Variants in AKAP12 observed in about 807,000 individuals in gnomAD.
AKAP12 encodes the protein A-kinase anchor protein 12.
In AKAP12, 32 loss-of-function variants were observed where a neutral mutation model predicts 79.9. The ratio of observed to expected loss-of-function variants is 0.40; its 90% confidence interval spans 0.30 to 0.54. The LOEUF is 0.54. Ranked by LOEUF, AKAP12 falls within the 20% of genes least tolerant of loss-of-function variation. The pLI is 0.48. For synonymous variants in AKAP12, 808 were observed against 857.0 expected (o/e 0.94, Z 1.00); for missense variants, 2,074 against 2,177.0 (o/e 0.95, Z 0.94).
At chr6:151,297,863 G>A (rs1776771168) in intron 2 of AKAP12, among the ~76,000 whole-genome samples, 1 of 152,158 alleles carries the variant, frequency 6.6e-6, no homozygotes, top group Non-Finnish European at 1.5e-5. Flanking sequence ...ACCGTAGTGT[G>A]AGATAAGGGG....
chr6:151,303,703 A>C (rs1241361883), intron 2 of AKAP12, among the ~76,000 whole-genome samples: 1 of 152,204 alleles, frequency 6.6e-6, no homozygotes, highest in Non-Finnish European at 1.5e-5. Context: ...GACCTTTTCC[A>C]GACCGGTTCC....
intron 3 of AKAP12, among the ~76,000 whole-genome samples, chr6:151,318,417 G>T (rs1777283191): frequency 6.6e-6 from 1 of 152,196 alleles, no homozygotes; most frequent in Admixed American, 6.5e-5. Context: ...CCCTAATCAA[G>T]TCCATTTCTG....
chr6:151,281,116 A>G (rs1338916625), intron 2 of AKAP12, among the ~76,000 whole-genome samples: 1 of 152,206 alleles, frequency 6.6e-6, no homozygotes, highest in Non-Finnish European at 1.5e-5. Flanking sequence ...GGCTTCATGC[A>G]AAGTAGAAGG....
At chr6:151,244,170 G>A (rs921125301) in intron 2 of AKAP12, among the ~76,000 whole-genome samples, 2 of 152,122 alleles carry the variant, frequency 1.3e-5, no homozygotes, top group Non-Finnish European at 2.9e-5. Flanking sequence ...AGATGTACTC[G>A]AATAGAAGAG....
chr6:151,279,420 T>C (rs376418036), intron 2 of AKAP12, among the ~76,000 whole-genome samples: 6 of 152,080 alleles, frequency 3.9e-5, no homozygotes, highest in East Asian at 1.9e-4. Flanking sequence ...AGGTTTTAAA[T>C]TTTTGTGTGT....
chr6:151,352,589 C>T lies in AKAP12; in HGVS notation c.4198C>T (p.Leu1400=), dbSNP rs373716415. 6 of 1,614,028 alleles carry T rather than the reference C, an allele frequency of 3.7e-6. No homozygotes were observed. The African/African-American group carries it at 8.0e-5, about 22-fold the overall frequency. The stretch of plus-strand genomic sequence containing the variant: ...TTTGGAAGGAAGCCCTCCTCCCTGC[C>T]TAGGTCAAGAGGAGGCAGTATGCAC... ...SSLEGSPPPC[L]GQEEAVCTKI... The change falls in exon 4 of 5, where the codon CTA becomes TTA. Residue 1400 remains leucine (L), a synonymous_variant. Coordinates refer to ENST00000402676, the MANE Select transcript of AKAP12 (RefSeq NM_005100.4).
intron 2 of AKAP12, among the ~76,000 whole-genome samples, chr6:151,297,003 A>T (rs1776744138): frequency 6.8e-6 from 1 of 146,514 alleles, no homozygotes; most frequent in Non-Finnish European, 1.5e-5. Flanking sequence ...TTGTATGCCT[A>T]GGTTGAAATA....
At chr6:151,251,350 A>G (rs575594367) in intron 2 of AKAP12, among the ~76,000 whole-genome samples, 1 of 152,296 alleles carries the variant, frequency 6.6e-6, no homozygotes, top group African/African-American at 2.4e-5. Context: ...TAAGGCAGAG[A>G]TAACATCCGC....
At chr6:151,266,439 G>T (rs571603168) in intron 2 of AKAP12, among the ~76,000 whole-genome samples, 5 of 152,184 alleles carry the variant, frequency 3.3e-5, no homozygotes, top group Admixed American at 2.6e-4. Context: ...TGAAGATGGC[G>T]TAAGGAGGAA....
At chr6:151,289,895 A>G (rs573042836) in intron 2 of AKAP12, among the ~76,000 whole-genome samples, 42 of 152,296 alleles carry the variant, frequency 2.8e-4, no homozygotes, top group Non-Finnish European at 5.3e-4. Flanking sequence ...TTAATTTGCA[A>G]ATCCTTCAGG....
At chr6:151,312,517 C>T (rs1158178172) in intron 3 of AKAP12, among the ~76,000 whole-genome samples, 2 of 148,892 alleles carry the variant, frequency 1.3e-5, no homozygotes, top group East Asian at 4.1e-4. Context: ...GACGGCCGGG[C>T]ACGGTGGCTC....
chr6:151,299,417 G>A (rs1776806735), intron 2 of AKAP12, among the ~76,000 whole-genome samples: 1 of 152,110 alleles, frequency 6.6e-6, no homozygotes, highest in Admixed American at 6.6e-5. Flanking sequence ...TTCCCTCTAA[G>A]AGGATAAAAC....
In AKAP12 at chr6:151,264,348, C is replaced by A. The variant is rs1049877204; in HGVS notation, c.162+23624C>A. ...GACATCATAAAAGAATAAGATATAC[C>A]TGGCCAAGACCCCACCTCTTAAAAA... is the stretch of plus-strand genomic sequence containing the variant. On this transcript the variant is annotated intron_variant, in intron 2 of 4. Coordinates refer to ENST00000402676, the MANE Select transcript of AKAP12 (RefSeq NM_005100.4). Among the ~76,000 whole-genome samples the A allele has an allele frequency of 2.7e-5, 4 of 148,962 alleles. No homozygotes were observed. The Middle Eastern group carries it at 0.01, about 383-fold the overall frequency.
In AKAP12 at chr6:151,350,725, G is replaced by C. The variant is rs1778260198; in HGVS notation, c.2334G>C (p.Glu778Asp). 1.2e-6 allele frequency: 2 copies of C among 1,613,860 alleles called. No individual in the cohort carries two copies. The change falls in exon 4 of 5, where the codon GAG becomes GAC. Residue 778 changes from glutamate (E) to aspartate (D), a missense_variant. Coordinates refer to ENST00000402676, the MANE Select transcript of AKAP12 (RefSeq NM_005100.4). The surrounding 1 kb of genome is among the most constrained non-coding windows in gnomAD (Gnocchi z 4.8). ...PRKKSKSKLEEKSEDSIAGSG... is the reference protein window; with the variant it reads ...PRKKSKSKLEDKSEDSIAGSG... ...AAAAATCAAAGTCCAAGCTGGAAGA[G>C]AAAAGCGAAGACTCCATAGCTGGGT...
intron 3 of AKAP12, among the ~76,000 whole-genome samples, chr6:151,334,752 G>T (rs534331056): frequency 6.6e-6 from 1 of 151,604 alleles, no homozygotes; most frequent in East Asian, 2.0e-4. Context: ...CTCCCGAGTA[G>T]CTGGGACTAC....
At chr6:151,270,828 A>G (rs1374281898) in intron 2 of AKAP12, among the ~76,000 whole-genome samples, 1 of 152,304 alleles carries the variant, frequency 6.6e-6, no homozygotes, top group African/African-American at 2.4e-5. Flanking sequence ...GTAGTCTCGT[A>G]TGCCAAACTA....
intron 2 of AKAP12, among the ~76,000 whole-genome samples, chr6:151,287,235 G>A (rs1447698194): frequency 6.6e-6 from 1 of 151,672 alleles, no homozygotes; most frequent in South Asian, 2.1e-4. Context: ...CACCACGCCC[G>A]GTCTATTTTC....
Position 151,351,454 on chromosome 6 carries a change from G to T in AKAP12, c.3063G>T (p.Pro1021=). ...CAGACACCACAGAGGAGGCCACTCC[G>T]GTGCAGGAGGTGGAAGGTGGCGTAC... ...DSPDTTEEAT[P]VQEVEGGVPD... is the part of the protein sequence containing the mutation. The change falls in exon 4 of 5, where the codon CCG becomes CCT. Residue 1021 remains proline (P), a synonymous_variant. Transcript: ENST00000402676. This position sits in a 1 kb window ranked among gnomAD's most constrained non-coding sequence, Gnocchi z 4.4. 1 of 1,614,208 alleles carries T rather than the reference G, an allele frequency of 6.2e-7. No homozygotes were observed. The highest frequency in any genetic ancestry group is 8.5e-7 in the Non-Finnish European group (1 of 1,180,030).
Position 151,270,231 on chromosome 6 carries a change from TA to T in AKAP12, c.162+29508del, listed in dbSNP as rs1431415182. The stretch of plus-strand genomic sequence containing the variant: ...ACCACCACGCTGGGCTAATTTTTTG[TA>T]TTTTTAGTAGAGATGGAATTTCTCC... On this transcript the variant is annotated intron_variant, in intron 2 of 4. Transcript: ENST00000402676. 2.0e-5 allele frequency among the ~76,000 whole-genome samples: 3 copies of T among 152,276 alleles called. No homozygotes were observed. The East Asian group carries it at 5.8e-4, about 29-fold the overall frequency.
Sources: allele counts gnomAD v4.1 joint callset (sites outside exome capture counted in the v4.1 genomes callset), GRCh38; gene constraint gnomAD v4.1.1; non-coding constraint Gnocchi (gnomAD v3.1); transcripts MANE v1.5; gene names NCBI Gene and HGNC (gene_info 2026-07-23, HGNC 2026-07-21).